PCDHGA12: variants seen among roughly 807,000 people sequenced by gnomAD.
The protein encoded by PCDHGA12 is protocadherin gamma-A12.
Under a neutral mutation model 61.1 loss-of-function variants are expected in PCDHGA12, and 43 were observed. The observed-to-expected ratio is 0.70, with a 90% CI of 0.55 to 0.91. The LOEUF (loss-of-function observed/expected upper bound fraction) is 0.91, where lower values mean the gene tolerates loss of function less well. Ranked by LOEUF, PCDHGA12 falls within the 40% of genes least tolerant of loss-of-function variation. The probability of loss-of-function intolerance (pLI) is 0.00; values close to 1 mark genes in which losing one functional copy is unlikely to be tolerated. For synonymous variants in PCDHGA12, 520 were observed against 542.9 expected, an observed-to-expected ratio of 0.96 and a Z score of 0.59; for missense variants, 1,236 against 1,227.7, an observed-to-expected ratio of 1.01 and a Z score of -0.10.
At chr5:141,444,865 G>A (rs1038923777) in intron 1 of PCDHGA12, among the ~76,000 whole-genome samples, 1 of 152,098 alleles carries the variant, frequency 6.6e-6, no homozygotes, top group Non-Finnish European at 1.5e-5. Flanking sequence ...TCTTACTACA[G>A]GACAAAGCTT....
chr5:141,490,345 G>GT lies in PCDHGA12; in HGVS notation c.2425-4461dup, dbSNP rs1363310763. The GT allele has an allele frequency of 6.2e-7, 1 of 1,614,216 alleles. No individual in the cohort carries two copies. The highest frequency in any genetic ancestry group is 2.2e-5 in the East Asian group (1 of 44,886). ...AGAGAGCACACCAGTGGGCACAGTAGTGGGGTTGTTTAATGTGCGAGACCG... is the reference window on the plus strand; with the variant it reads ...AGAGAGCACACCAGTGGGCACAGTAGTTGGGGTTGTTTAATGTGCGAGACCG... On this transcript the variant is annotated intron_variant, in intron 1 of 3. Transcript: ENST00000252085. This position sits in a 1 kb window ranked among gnomAD's most constrained non-coding sequence, Gnocchi z 5.4.
rs759737266 is a variant in PCDHGA12 at position 141,489,464 on chromosome 5, T to A, written c.2425-5343T>A. 5 of 1,614,030 alleles carry A rather than the reference T, an allele frequency of 3.1e-6. No homozygotes were observed. In the South Asian group the frequency reaches 3.3e-5, roughly 11 times the overall value. On this transcript the variant is annotated intron_variant, in intron 1 of 3. Transcript: ENST00000252085. The surrounding 1 kb of genome is among the most constrained non-coding windows in gnomAD (Gnocchi z 4.5). ...GGCTCTGAGGAGAATGGGCGCTATT[T>A]TTCCCTGAGCTTGATGAGTGGTGCC...
intron 2 of PCDHGA12, among the ~76,000 whole-genome samples, chr5:141,505,177 A>T (rs917485235): frequency 6.6e-6 from 1 of 152,180 alleles, no homozygotes. Context: ...AAAAGAAAAA[A>T]GCATCGGAGG....
intron 1 of PCDHGA12, among the ~76,000 whole-genome samples, chr5:141,479,041 C>T (rs1346986831): frequency 1.2e-4 from 18 of 152,100 alleles, no homozygotes; most frequent in Admixed American, 1.2e-3. Flanking sequence ...AGATCGTGTA[C>T]CTCATTCTCA....
Position 141,438,591 on chromosome 5 carries a change from C to CAT in PCDHGA12, c.2424+5452_2424+5453dup, listed in dbSNP as rs946798767. On this transcript the variant is annotated intron_variant, in intron 1 of 3. Coordinates refer to ENST00000252085, the MANE Select transcript of PCDHGA12 (RefSeq NM_003735.3). ...TCTGATATACATACATACATACATA[C>CAT]ATATATATATATATATATATATATA... Among the ~76,000 whole-genome samples the CAT allele has an allele frequency of 6.3e-3, 476 of 75,268 alleles. 1 individual carries two copies. The highest frequency in any genetic ancestry group is 9.5e-3 in the Non-Finnish European group (352 of 37,106). 49.4% of individuals were successfully genotyped at this position (75,268 alleles called of 152,430 possible). A position where few individuals can be genotyped will look rare whatever the true frequency, so the allele number is the denominator to read the frequency against.
Position 141,487,532 on chromosome 5 carries a change from A to T in PCDHGA12, c.2425-7275A>T. 6.2e-7 allele frequency: 1 copy of T among 1,614,158 alleles called. No homozygotes were observed. The highest frequency in any genetic ancestry group is 8.5e-7 in the Non-Finnish European group (1 of 1,180,022). ...ACCCACTCGGAGTGATAGCTTCATG[A>T]TGGTGAAGTCACCCAGTGCACCTAT... is the stretch of plus-strand genomic sequence containing the variant. On this transcript the variant is annotated intron_variant, in intron 1 of 3. Transcript: ENST00000252085. This position sits in a 1 kb window ranked among gnomAD's most constrained non-coding sequence, Gnocchi z 5.0.
At chr5:141,460,951 G>GTATATATATA (rs200454978) in intron 1 of PCDHGA12, among the ~76,000 whole-genome samples, 1 of 139,722 alleles carries the variant, frequency 7.2e-6, no homozygotes, top group African/African-American at 2.8e-5. Context: ...TATGTATTAT[G>GTATATATATA]TATATATATA....
intron 1 of PCDHGA12, among the ~76,000 whole-genome samples, chr5:141,475,097 T>C (rs180692931): frequency 6.6e-6 from 1 of 152,370 alleles, no homozygotes; most frequent in East Asian, 1.9e-4. Context: ...TTTATAAAGA[T>C]CCTAGGTGGT....
chr5:141,497,413 T>A (rs572922456), intron 2 of PCDHGA12, among the ~76,000 whole-genome samples: 1 of 151,928 alleles, frequency 6.6e-6, no homozygotes, highest in African/African-American at 2.4e-5. Context: ...TCCCATTCCA[T>A]CAAATGAGAG....
rs150249178 is a variant in PCDHGA12 at position 141,432,742 on chromosome 5, C to A, written c.1983C>A (p.Thr661=). 154 of 1,614,076 alleles carry A rather than the reference C, an allele frequency of 9.5e-5. No individual in the cohort carries two copies. In the Middle Eastern group the frequency reaches 1.3e-3, roughly 14 times the overall value. The change falls in exon 1 of 4, where the codon ACC becomes ACA. Residue 661 remains threonine (T), a synonymous_variant. Transcript: ENST00000252085. This position sits in a 1 kb window ranked among gnomAD's most constrained non-coding sequence, Gnocchi z 6.0. ...CTCTCTCCGCCACTGTCACGCTCAC[C>A]GTGGCCGTGGCCGACAGCATCCCCC... is the stretch of plus-strand genomic sequence containing the variant. ...QPPLSATVTL[T]VAVADSIPQV...
intron 2 of PCDHGA12, among the ~76,000 whole-genome samples, chr5:141,499,384 A>G (rs2099791576): frequency 6.6e-6 from 1 of 152,200 alleles, no homozygotes. Context: ...TTTTCCACTT[A>G]TAAAATAGTA....
At position 141,494,833 on chromosome 5, in the gene PCDHGA12, T is replaced by C. The variant is rs537340090; in HGVS notation, c.2451T>C (p.Arg817=). 1 of 1,614,094 alleles carries C rather than the reference T, an allele frequency of 6.2e-7. No homozygotes were observed. The highest frequency in any genetic ancestry group is 1.7e-5 in the Admixed American group (1 of 60,014). Residue 817 remains arginine, a synonymous_variant, in exon 2 of 4, where the codon CGT becomes CGC. Coordinates refer to ENST00000252085, the MANE Select transcript of PCDHGA12 (RefSeq NM_003735.3). ...IEQAPPNTDW[R]FSQAQRPGTS... Reference sequence around the variant, plus strand: ...AAGCCCCGCCCAACACGGACTGGCGTTTCTCTCAGGCCCAGAGACCCGGCA... The same window carrying C: ...AAGCCCCGCCCAACACGGACTGGCGCTTCTCTCAGGCCCAGAGACCCGGCA...
chr5:141,436,813 G>A (rs537103294), intron 1 of PCDHGA12, among the ~76,000 whole-genome samples: 91 of 152,320 alleles, frequency 6.0e-4, no homozygotes, highest in Non-Finnish European at 1.1e-3. Flanking sequence ...TGTGACAGCT[G>A]GTTTAAAAAT....
chr5:141,489,944 T>C lies in PCDHGA12; in HGVS notation c.2425-4863T>C. On this transcript the variant is annotated intron_variant, in intron 1 of 3. Coordinates refer to ENST00000252085, the MANE Select transcript of PCDHGA12 (RefSeq NM_003735.3). The surrounding 1 kb of genome is among the most constrained non-coding windows in gnomAD (Gnocchi z 4.5). Reference sequence around the variant, plus strand: ...CTTATCTCTGTCATCGTGCTGGACATCAATGATAATGCTCCAACCTTCCAA... The same window carrying C: ...CTTATCTCTGTCATCGTGCTGGACACCAATGATAATGCTCCAACCTTCCAA... 6.2e-7 allele frequency: 1 copy of C among 1,614,172 alleles called. No homozygotes were observed. Among genetic ancestry groups the C allele is most frequent in the Non-Finnish European group, 8.5e-7 (1 of 1,180,010 alleles).
At chr5:141,445,249 G>A (rs1337658576) in intron 1 of PCDHGA12, among the ~76,000 whole-genome samples, 2 of 152,170 alleles carry the variant, frequency 1.3e-5, no homozygotes, top group South Asian at 4.1e-4. Flanking sequence ...ACTATATTGT[G>A]TGAGAATATA....
At chr5:141,482,345 T>G (rs192115752) in intron 1 of PCDHGA12, among the ~76,000 whole-genome samples, 8 of 152,122 alleles carry the variant, frequency 5.3e-5, no homozygotes, top group Admixed American at 5.2e-4. Context: ...CTTTGCAAAC[T>G]TGTTGTGAGA....
At position 141,432,952 on chromosome 5, in the gene PCDHGA12, C is replaced by G. The variant is rs2097553312; in HGVS notation, c.2193C>G (p.Gly731=). The part of the protein sequence containing the change: ...KSRLLQASGG[G]LTGAPASHFV... ...GCCTGCTGCAGGCTTCAGGAGGCGGCTTGACAGGAGCGCCGGCGTCGCACT... is the reference window on the plus strand; with the variant it reads ...GCCTGCTGCAGGCTTCAGGAGGCGGGTTGACAGGAGCGCCGGCGTCGCACT... The change falls in exon 1 of 4, where the codon GGC becomes GGG. Residue 731 remains glycine (G), a synonymous_variant. Transcript: ENST00000252085. The surrounding 1 kb of genome is among the most constrained non-coding windows in gnomAD (Gnocchi z 6.0). 1 of 1,614,086 alleles carries G rather than the reference C, an allele frequency of 6.2e-7. No individual in the cohort carries two copies. Among genetic ancestry groups the G allele is most frequent in the South Asian group, 1.1e-5 (1 of 91,090 alleles).
At position 141,486,994 on chromosome 5, in the gene PCDHGA12, C is replaced by G. The variant is rs779792543; in HGVS notation, c.2425-7813C>G. ...ATTCAGGTTACAATGCTTGGGTTTC[C>G]TATCAGCTCCTGGAGGCCCCAGATC... On this transcript the variant is annotated intron_variant, in intron 1 of 3. Coordinates refer to ENST00000252085, the MANE Select transcript of PCDHGA12 (RefSeq NM_003735.3). The surrounding 1 kb of genome is among the most constrained non-coding windows in gnomAD (Gnocchi z 5.0). 3 of 1,614,214 alleles carry G rather than the reference C, an allele frequency of 1.9e-6. No individual in the cohort carries two copies. Among genetic ancestry groups the G allele is most frequent in the Admixed American group, 1.7e-5 (1 of 60,030 alleles).
Position 141,491,574 on chromosome 5 carries a change from T to G in PCDHGA12, c.2425-3233T>G. Reference sequence around the variant, plus strand: ...AGAGCCACTGCTACAGGACGTGCTTTTCACCGGCCTCGGACGGCAGTGACT... The same window carrying G: ...AGAGCCACTGCTACAGGACGTGCTTGTCACCGGCCTCGGACGGCAGTGACT... On this transcript the variant is annotated intron_variant, in intron 1 of 3. Transcript: ENST00000252085. This position sits in a 1 kb window ranked among gnomAD's most constrained non-coding sequence, Gnocchi z 6.9. The G allele has an allele frequency of 6.2e-7, 1 of 1,613,956 alleles. No homozygotes were observed. Among genetic ancestry groups the G allele is most frequent in the Non-Finnish European group, 8.5e-7 (1 of 1,180,032 alleles).
Sources: gnomAD v4.1 joint callset for allele counts (sites outside exome capture counted in the v4.1 genomes callset) on GRCh38, gnomAD v4.1.1 for gene constraint, Gnocchi (gnomAD v3.1) non-coding constraint, MANE v1.5 for transcripts, NCBI Gene and HGNC (gene_info 2026-07-23, HGNC 2026-07-21) for gene names.